Variants in DGKG observed in about 807,000 individuals in gnomAD.
DGKG encodes the protein DAG kinase gamma.
Under a neutral mutation model 105.3 loss-of-function variants are expected in DGKG, and 78 were observed. The observed-to-expected ratio is 0.74, with a 90% CI of 0.62 to 0.89. DGKG has a LOEUF of 0.89. Among genes scored for constraint, DGKG ranks in the 40% least tolerant of loss-of-function variants. DGKG has a pLI of 0.00. For synonymous variants in DGKG, 346 were observed against 367.1 expected, an observed-to-expected ratio of 0.94 and a Z score of 0.66; for missense variants, 958 against 1,020.1, an observed-to-expected ratio of 0.94 and a Z score of 0.83.
intron 1 of DGKG, among the ~76,000 whole-genome samples, chr3:186,322,335 A>C (rs1166277046): frequency 6.6e-6 from 1 of 152,206 alleles, no homozygotes; most frequent in Non-Finnish European, 1.5e-5. Context: ...ACAGAAATCC[A>C]GATACAGCAC....
chr3:186,349,609 A>G (rs1190906905), intron 1 of DGKG, among the ~76,000 whole-genome samples: 1 of 152,060 alleles, frequency 6.6e-6, no homozygotes, highest in African/African-American at 2.4e-5. Context: ...CTTCTTTGGA[A>G]CTGCTAGATA....
chr3:186,250,497 GA>G (rs1721158096), intron 19 of DGKG, among the ~76,000 whole-genome samples: 1 of 149,136 alleles, frequency 6.7e-6, no homozygotes, highest in East Asian at 2.0e-4. Context: ...AAAGTTTAGG[GA>G]AAAAATTTGA....
chr3:186,168,384 A>G (rs1397295726), intron 22 of DGKG, among the ~76,000 whole-genome samples: 4 of 152,216 alleles, frequency 2.6e-5, no homozygotes, highest in Admixed American at 1.3e-4. Context: ...CTCCAAGAAA[A>G]GAGGATGATA....
Position 186,306,613 on chromosome 3 carries a change from A to AT in DGKG, c.144+287dup, listed in dbSNP as rs1456828610. On this transcript the variant is annotated intron_variant, in intron 3 of 24. Coordinates refer to ENST00000265022, the MANE Select transcript of DGKG (RefSeq NM_001346.3). ...GTGAAAGATCTGTTCTGTTTGTTCT[A>AT]TTTTTTCAGTGAAGCAGAAAACTCA... is the stretch of plus-strand genomic sequence containing the variant. 1.2e-4 allele frequency: 42 copies of AT among 341,704 alleles called. No homozygotes were observed. In the East Asian group the frequency reaches 1.6e-3, roughly 13 times the overall value. The allele number at this position is 341,704 out of a possible 1,614,324, so 21.2% of individuals were successfully genotyped here.
At chr3:186,355,527 TACC>T (rs1726903278) in intron 1 of DGKG, among the ~76,000 whole-genome samples, 2 of 139,770 alleles carry the variant, frequency 1.4e-5, no homozygotes, top group Admixed American at 7.0e-5. Context: ...CCACTGCCAC[TACC>T]ACCATCACCA....
intron 24 of DGKG, 122 bp from the exon 25 acceptor site, chr3:186,150,310 A>G: frequency 4.7e-6 from 6 of 1,287,316 alleles, no homozygotes; most frequent in African/African-American, 1.5e-5. Context: ...CAGAAGGACA[A>G]CTGTCCTTGA....
chr3:186,259,201 G>C (rs536478574), intron 16 of DGKG, among the ~76,000 whole-genome samples: 1 of 152,308 alleles, frequency 6.6e-6, no homozygotes, highest in South Asian at 2.1e-4. Flanking sequence ...AGACCCTCAG[G>C]GCGTATCAGC....
At chr3:186,265,102 A>G (rs985890062) in intron 14 of DGKG, 145 bp downstream of exon 14, 3 of 722,768 alleles carry the variant, frequency 4.2e-6, no homozygotes, top group Admixed American at 2.4e-5. Flanking sequence ...AGAGGCCACA[A>G]ATAAATGCCC....
chr3:186,196,956 G>GT (rs901547023), intron 21 of DGKG, among the ~76,000 whole-genome samples: 6 of 152,238 alleles, frequency 3.9e-5, no homozygotes, highest in Admixed American at 2.0e-4. Flanking sequence ...TGAGGAAAAG[G>GT]TTTTTTTGTG....
chr3:186,272,390 G>T, intron 10 of DGKG, 47 bp from the exon 11 acceptor site: 2 of 1,422,092 alleles, frequency 1.4e-6, no homozygotes, highest in South Asian at 2.3e-5. Context: ...TAGCCACGTA[G>T]GAAAGGCCCA....
intron 21 of DGKG, among the ~76,000 whole-genome samples, chr3:186,208,266 T>C (rs1718848742): frequency 6.6e-6 from 1 of 152,098 alleles, no homozygotes; most frequent in Admixed American, 6.5e-5. Context: ...GGTCTCAAAC[T>C]CCTGACCTCA....
intron 2 of DGKG, among the ~76,000 whole-genome samples, chr3:186,311,098 A>G (rs566252094): frequency 1.3e-5 from 2 of 152,296 alleles, no homozygotes; most frequent in East Asian, 3.9e-4. Context: ...TGTTGAAATC[A>G]CCTGGGGAGC....
At chr3:186,296,670 C>T (rs1723579055) in intron 5 of DGKG, among the ~76,000 whole-genome samples, 1 of 152,230 alleles carries the variant, frequency 6.6e-6, no homozygotes, top group Admixed American at 6.5e-5. Flanking sequence ...CCACCAGGAC[C>T]ACTGTGTCCT....
At chr3:186,296,112 CAAAA>C (rs36070727) in intron 5 of DGKG, among the ~76,000 whole-genome samples, 11 of 143,398 alleles carry the variant, frequency 7.7e-5, no homozygotes, top group African/African-American at 1.1e-4. Context: ...TTATCTCAGA[CAAAA>C]AAAAAAAAAA....
At chr3:186,188,434 A>C in intron 21 of DGKG, 55 bp from the exon 22 acceptor site, 1 of 1,575,254 alleles carries the variant, frequency 6.3e-7, no homozygotes, top group Non-Finnish European at 8.7e-7. Context: ...GTCACAACCC[A>C]AGGTGCTCTG....
At chr3:186,330,129 T>C (rs969838273) in intron 1 of DGKG, among the ~76,000 whole-genome samples, 5 of 152,198 alleles carry the variant, frequency 3.3e-5, no homozygotes, top group African/African-American at 1.2e-4. Flanking sequence ...AAGATGCAAG[T>C]TGCAGTACAA....
intron 1 of DGKG, among the ~76,000 whole-genome samples, chr3:186,339,839 C>A (rs915211674): frequency 1.3e-5 from 2 of 152,224 alleles, no homozygotes; most frequent in Non-Finnish European, 2.9e-5. Context: ...CTCCAACAAA[C>A]CTGAGTCAGC....
intron 1 of DGKG, among the ~76,000 whole-genome samples, chr3:186,338,080 G>A (rs1448835136): frequency 1.3e-5 from 2 of 151,094 alleles, no homozygotes; most frequent in Admixed American, 6.6e-5. Context: ...TGAGGTGGGA[G>A]GATCCCTTGA....
intron 10 of DGKG, among the ~76,000 whole-genome samples, chr3:186,273,564 G>A (rs1489423823): frequency 6.6e-6 from 1 of 151,696 alleles, no homozygotes; most frequent in South Asian, 2.1e-4. Flanking sequence ...TAGTAGGGAC[G>A]GGGTTTCACC....
Sources: gnomAD v4.1 joint callset for allele counts (sites outside exome capture counted in the v4.1 genomes callset) on GRCh38, gnomAD v4.1.1 for gene constraint, MANE v1.5 for transcripts, NCBI Gene and HGNC (gene_info 2026-07-23, HGNC 2026-07-21) for gene names.